CACNA2D3: variants seen among roughly 807,000 people sequenced by gnomAD.
The protein encoded by CACNA2D3 is calcium voltage-gated channel auxiliary subunit alpha2delta 3.
Under a neutral mutation model 160.6 loss-of-function variants are expected in CACNA2D3, and 60 were observed. That is an observed-to-expected ratio of 0.37 (90% CI 0.30 to 0.46). CACNA2D3 has a LOEUF of 0.46. Among genes scored for constraint, CACNA2D3 ranks in the 20% least tolerant of loss-of-function variants. CACNA2D3 has a pLI of 1.00. For missense variants in CACNA2D3, 1,205 were observed against 1,365.0 expected, an observed-to-expected ratio of 0.88 and a Z score of 1.85; for synonymous variants, 558 against 492.9, an observed-to-expected ratio of 1.13 and a Z score of -1.75.
intron 2 of CACNA2D3, among the ~76,000 whole-genome samples, chr3:54,215,641 C>T (rs891899241): frequency 6.6e-6 from 1 of 152,172 alleles, no homozygotes; most frequent in African/African-American, 2.4e-5. Context: ...GAGGTGGGGC[C>T]ATGCATCCTT....
At chr3:54,899,092 T>G (rs753315897) in intron 26 of CACNA2D3, among the ~76,000 whole-genome samples, 5 of 152,258 alleles carry the variant, frequency 3.3e-5, no homozygotes, top group Non-Finnish European at 5.9e-5. Flanking sequence ...TCACTTTCAT[T>G]GAGCACCTTT....
chr3:54,483,380 T>C (rs541156879), intron 4 of CACNA2D3, among the ~76,000 whole-genome samples: 1 of 152,292 alleles, frequency 6.6e-6, no homozygotes, highest in East Asian at 1.9e-4. Flanking sequence ...ACGGGGTGCA[T>C]GGTGGGAACA....
chr3:54,233,523 C>G (rs1478841320), intron 2 of CACNA2D3, among the ~76,000 whole-genome samples: 3 of 152,222 alleles, frequency 2.0e-5, no homozygotes, highest in Non-Finnish European at 4.4e-5. Flanking sequence ...ACCTTTTTGG[C>G]TTCTGTGGCC....
At chr3:54,695,482 C>T (rs1004722870) in intron 11 of CACNA2D3, among the ~76,000 whole-genome samples, 1 of 151,312 alleles carries the variant, frequency 6.6e-6, no homozygotes, top group Non-Finnish European at 1.5e-5. Context: ...TCCAAGGTTA[C>T]GAGTATTTTA....
intron 2 of CACNA2D3, among the ~76,000 whole-genome samples, chr3:54,155,211 A>G (rs1700225272): frequency 6.6e-6 from 1 of 152,250 alleles, no homozygotes; most frequent in Admixed American, 6.5e-5. Context: ...ATGCTGTGGT[A>G]GTAAGTACAA....
At chr3:54,241,890 TATG>T (rs1436410319) in intron 2 of CACNA2D3, among the ~76,000 whole-genome samples, 3 of 152,262 alleles carry the variant, frequency 2.0e-5, no homozygotes, top group South Asian at 2.1e-4. Context: ...CCATCTAAAA[TATG>T]ATGATGATAA....
intron 11 of CACNA2D3, among the ~76,000 whole-genome samples, chr3:54,710,344 C>T (rs1700931983): frequency 6.6e-6 from 1 of 152,280 alleles, no homozygotes; most frequent in African/African-American, 2.4e-5. Context: ...AATGACTTAA[C>T]AAAAATGAAG....
At chr3:54,765,089 G>A (rs1288264438) in intron 13 of CACNA2D3, among the ~76,000 whole-genome samples, 4 of 151,986 alleles carry the variant, frequency 2.6e-5, no homozygotes, top group African/African-American at 7.2e-5. Context: ...AGTCATTTTT[G>A]TTGGGATTAA....
intron 21 of CACNA2D3, among the ~76,000 whole-genome samples, chr3:54,884,931 A>T (rs114756993): frequency 0.014 from 2,142 of 152,266 alleles, 46 homozygotes; most frequent in African/African-American, 0.049. Flanking sequence ...CCGGTTCCCA[A>T]CTTAGACTAA....
intron 2 of CACNA2D3, among the ~76,000 whole-genome samples, chr3:54,304,857 C>T (rs1480299375): frequency 6.6e-6 from 1 of 151,946 alleles, no homozygotes; most frequent in Non-Finnish European, 1.5e-5. Context: ...AAAATTCTGC[C>T]ACCATACCCA....
intron 4 of CACNA2D3, among the ~76,000 whole-genome samples, chr3:54,483,298 T>G (rs545012800): frequency 1.3e-4 from 20 of 152,260 alleles, no homozygotes; most frequent in African/African-American, 4.1e-4. Context: ...AAAAATTTTG[T>G]TTTTGACCCT....
chr3:54,802,186 A>G (rs1232114180), intron 13 of CACNA2D3, among the ~76,000 whole-genome samples: 3 of 152,126 alleles, frequency 2.0e-5, no homozygotes, highest in Non-Finnish European at 4.4e-5. Context: ...GGGAGAGGTC[A>G]CTCAATTAGG....
intron 4 of CACNA2D3, among the ~76,000 whole-genome samples, chr3:54,436,415 A>G (rs1261221424): frequency 6.6e-6 from 1 of 152,362 alleles, no homozygotes; most frequent in East Asian, 1.9e-4. Flanking sequence ...TGACCCAGCA[A>G]TGCCATTACT....
At chr3:54,629,798 A>G (rs1190762325) in intron 10 of CACNA2D3, among the ~76,000 whole-genome samples, 1 of 152,158 alleles carries the variant, frequency 6.6e-6, no homozygotes, top group Non-Finnish European at 1.5e-5. Flanking sequence ...TTTTATCTCA[A>G]AAACCTAGTG....
intron 21 of CACNA2D3, among the ~76,000 whole-genome samples, chr3:54,884,954 A>C (rs752704129): frequency 1.3e-5 from 2 of 152,156 alleles, no homozygotes; most frequent in Non-Finnish European, 2.9e-5. Context: ...GGAGCACCAG[A>C]GAGAGTGTTT....
At chr3:54,891,516 T>A (rs900112751) in intron 25 of CACNA2D3, 66 bp downstream of exon 25, 1 of 1,222,698 alleles carries the variant, frequency 8.2e-7, no homozygotes, top group South Asian at 1.3e-5. Context: ...AAAGGGAAGC[T>A]TATTTCATTT....
chr3:54,450,082 C>T (rs1302680359), intron 4 of CACNA2D3, among the ~76,000 whole-genome samples: 1 of 152,214 alleles, frequency 6.6e-6, no homozygotes, highest in African/African-American at 2.4e-5. Flanking sequence ...AAATCAGGTT[C>T]ATGGTTCACA....
intron 11 of CACNA2D3, among the ~76,000 whole-genome samples, chr3:54,681,291 CT>C (rs1700343501): frequency 7.0e-6 from 1 of 143,864 alleles, no homozygotes. Context: ...AATCCCAGCA[CT>C]TTGGGAGGCT....
At chr3:54,308,731 G>T (rs1259402807) in intron 2 of CACNA2D3, among the ~76,000 whole-genome samples, 1 of 152,076 alleles carries the variant, frequency 6.6e-6, no homozygotes, top group East Asian at 1.9e-4. Flanking sequence ...CCTATAAAAT[G>T]GGGGAAATAG....
Sources: allele counts gnomAD v4.1 joint callset (sites outside exome capture counted in the v4.1 genomes callset), GRCh38; gene constraint gnomAD v4.1.1; transcripts MANE v1.5; gene names NCBI Gene and HGNC (gene_info 2026-07-23, HGNC 2026-07-21).